The following TMEM132D variants were observed in gnomAD, a reference collection of about 807,000 sequenced individuals.
TMEM132D encodes the protein mature OL transmembrane protein.
A neutral mutation model predicts 62.3 loss-of-function variants in TMEM132D; 21 were observed. The observed-to-expected ratio is 0.34, with a 90% CI of 0.24 to 0.49. The LOEUF (loss-of-function observed/expected upper bound fraction) is 0.49, where lower values mean the gene tolerates loss of function less well. Among genes scored for constraint, TMEM132D ranks in the 20% least tolerant of loss-of-function variants. The pLI, the probability that TMEM132D is intolerant of heterozygous loss-of-function variation, is 0.99. For synonymous variants in TMEM132D, 621 were observed against 575.6 expected, an observed-to-expected ratio of 1.08 and a Z score of -1.13; for missense variants, 1,346 against 1,402.8, an observed-to-expected ratio of 0.96 and a Z score of 0.65.
intron 5 of TMEM132D, among the ~76,000 whole-genome samples, chr12:129,178,366 G>C (rs1877966496): frequency 6.6e-6 from 1 of 151,458 alleles, no homozygotes; most frequent in Non-Finnish European, 1.5e-5. Context: ...CACTATGGTT[G>C]AACTAATTTA....
At position 129,820,166 on chromosome 12, in the gene TMEM132D, A is replaced by T. The variant is rs150560796; in HGVS notation, c.79+83095T>A. Among the ~76,000 whole-genome samples, 26 of 152,306 alleles carry T rather than the reference A, an allele frequency of 1.7e-4. No homozygotes were observed. In the East Asian group the frequency reaches 5.0e-3, roughly 29 times the overall value. On this transcript the variant is annotated intron_variant, in intron 1 of 8. Coordinates refer to ENST00000422113, the MANE Select transcript of TMEM132D (RefSeq NM_133448.3). ...ATAGCAGAGACCAAGTCCCTCAAGC[A>T]GCCTGAATCCTTTTCAGGAGTTCTT...
intron 3 of TMEM132D, among the ~76,000 whole-genome samples, chr12:129,449,823 G>C (rs1026122611): frequency 6.6e-6 from 1 of 152,196 alleles, no homozygotes; most frequent in African/African-American, 2.4e-5. Flanking sequence ...CCAGACAGAA[G>C]CAATGGTCTG....
chr12:129,131,124 A>G (rs973202367), intron 5 of TMEM132D, among the ~76,000 whole-genome samples: 16 of 152,336 alleles, frequency 1.1e-4, no homozygotes, highest in Admixed American at 7.2e-4. Context: ...GAAAATCCTG[A>G]AAACCAAGTA....
intron 2 of TMEM132D, among the ~76,000 whole-genome samples, chr12:129,551,066 G>C (rs559820381): frequency 6.6e-6 from 1 of 152,180 alleles, no homozygotes; most frequent in Non-Finnish European, 1.5e-5. Flanking sequence ...CCCCAACGGG[G>C]GTCCCAGGCA....
At chr12:129,390,785 G>A (rs1871270761) in intron 3 of TMEM132D, among the ~76,000 whole-genome samples, 1 of 152,164 alleles carries the variant, frequency 6.6e-6, no homozygotes. Context: ...CCAGGGTGCT[G>A]TATGGAGAGG....
At chr12:129,643,920 C>CTGCAACCTCG (rs1298038657) in intron 2 of TMEM132D, among the ~76,000 whole-genome samples, 1 of 151,500 alleles carries the variant, frequency 6.6e-6, no homozygotes. Context: ...TCTCTGCTCA[C>CTGCAACCTCG]TGCAACCTCG....
intron 5 of TMEM132D, among the ~76,000 whole-genome samples, chr12:129,168,557 T>C (rs1390842252): frequency 6.6e-6 from 1 of 152,174 alleles, no homozygotes; most frequent in African/African-American, 2.4e-5. Flanking sequence ...CTTCACCTAA[T>C]ATGACGTCCT....
At position 129,894,666 on chromosome 12, in the gene TMEM132D, C is replaced by A. The variant is rs1875044175; in HGVS notation, c.79+8595G>T. On this transcript the variant is annotated intron_variant, in intron 1 of 8. Coordinates refer to ENST00000422113, the MANE Select transcript of TMEM132D (RefSeq NM_133448.3). ...TTATTCATGAGTGCTCCTGGCCTTC[C>A]AGGCCTCCGCTTCCATAAGACACAT... is the stretch of plus-strand genomic sequence containing the variant. Among the ~76,000 whole-genome samples the A allele has an allele frequency of 4.6e-5, 7 of 152,158 alleles. No homozygotes were observed. The South Asian group carries it at 1.5e-3, about 32-fold the overall frequency.
chr12:129,342,882 T>C (rs1204890820), intron 3 of TMEM132D, among the ~76,000 whole-genome samples: 1 of 152,166 alleles, frequency 6.6e-6, no homozygotes, highest in South Asian at 2.1e-4. Flanking sequence ...TGAGATACCA[T>C]CTCACACCAG....
chr12:129,345,135 T>G (rs1488377929), intron 3 of TMEM132D, among the ~76,000 whole-genome samples: 1 of 152,204 alleles, frequency 6.6e-6, no homozygotes, highest in Non-Finnish European at 1.5e-5. Context: ...CTAAATCCTC[T>G]TCATTTCCTT....
At chr12:129,595,200 G>A (rs1023799692) in intron 2 of TMEM132D, among the ~76,000 whole-genome samples, 1 of 152,198 alleles carries the variant, frequency 6.6e-6, no homozygotes, top group Non-Finnish European at 1.5e-5. Flanking sequence ...ACTGTACTGA[G>A]TGCTTATCTT....
chr12:129,160,238 T>C (rs1877363780), intron 5 of TMEM132D, among the ~76,000 whole-genome samples: 1 of 152,214 alleles, frequency 6.6e-6, no homozygotes. Flanking sequence ...CAGAATTCAA[T>C]TCACATTTTT....
chr12:129,401,022 C>T (rs1871606603), intron 3 of TMEM132D, among the ~76,000 whole-genome samples: 1 of 152,178 alleles, frequency 6.6e-6, no homozygotes, highest in African/African-American at 2.4e-5. Flanking sequence ...TCTTCCATTA[C>T]ACCACTGAAA....
chr12:129,229,388 A>G (rs1241425021), intron 4 of TMEM132D, among the ~76,000 whole-genome samples: 1 of 152,224 alleles, frequency 6.6e-6, no homozygotes, highest in African/African-American at 2.4e-5. Flanking sequence ...ATAGCTTCCA[A>G]ACATCAATTC....
At chr12:129,192,941 C>A (rs879259072) in intron 5 of TMEM132D, among the ~76,000 whole-genome samples, 1 of 152,118 alleles carries the variant, frequency 6.6e-6, no homozygotes, top group Non-Finnish European at 1.5e-5. Flanking sequence ...GAGGCCGAGG[C>A]GGGCGGATCA....
At chr12:129,295,189 A>G (rs1881539384) in intron 4 of TMEM132D, among the ~76,000 whole-genome samples, 2 of 151,532 alleles carry the variant, frequency 1.3e-5, no homozygotes, top group African/African-American at 4.9e-5. Context: ...GAAGACGACC[A>G]CTACGGAACA....
At chr12:129,895,654 C>G (rs1262114167) in intron 1 of TMEM132D, among the ~76,000 whole-genome samples, 3 of 152,168 alleles carry the variant, frequency 2.0e-5, no homozygotes. Flanking sequence ...GCTTCATCTC[C>G]AGGCTATTTA....
At chr12:129,393,402 T>C (rs1871342311) in intron 3 of TMEM132D, among the ~76,000 whole-genome samples, 1 of 152,218 alleles carries the variant, frequency 6.6e-6, no homozygotes, top group South Asian at 2.1e-4. Flanking sequence ...AAAATTTAGA[T>C]GCAGTGGCTT....
intron 3 of TMEM132D, among the ~76,000 whole-genome samples, chr12:129,383,867 C>A (rs1871026556): frequency 1.3e-5 from 2 of 152,168 alleles, no homozygotes; most frequent in African/African-American, 2.4e-5. Flanking sequence ...TCCCAGAGAG[C>A]CTGATTCACT....
Sources: gnomAD v4.1 joint callset for allele counts (sites outside exome capture counted in the v4.1 genomes callset) on GRCh38, gnomAD v4.1.1 for gene constraint, MANE v1.5 for transcripts, NCBI Gene and HGNC (gene_info 2026-07-23, HGNC 2026-07-21) for gene names.